CNOT10: variants seen among roughly 807,000 people sequenced by gnomAD.
CNOT10 encodes the protein CCR4-NOT transcription complex, subunit 10.
In CNOT10, 30 loss-of-function variants were observed where a neutral mutation model predicts 94.6. That is an observed-to-expected ratio of 0.32 (90% CI 0.24 to 0.43). CNOT10 has a LOEUF of 0.43. Ranked by LOEUF, CNOT10 falls within the 20% of genes least tolerant of loss-of-function variation. The probability of loss-of-function intolerance (pLI) is 1.00; values close to 1 mark genes in which losing one functional copy is unlikely to be tolerated. For missense variants in CNOT10, 759 were observed against 877.2 expected (o/e 0.87, Z 1.70); for synonymous variants, 289 against 301.6 (o/e 0.96, Z 0.43).
intron 13 of CNOT10, among the ~76,000 whole-genome samples, chr3:32,740,735 G>A (rs1032087798): frequency 1.1e-4 from 17 of 151,914 alleles, no homozygotes; most frequent in Non-Finnish European, 2.1e-4. Context: ...GGTGGCGGGC[G>A]CCTGTAGTCC....
At chr3:32,732,658 C>G (rs1699014024) in intron 10 of CNOT10, among the ~76,000 whole-genome samples, 2 of 151,796 alleles carry the variant, frequency 1.3e-5, no homozygotes, top group South Asian at 2.1e-4. Context: ...CCAGGCTGGT[C>G]TCACACTCCT....
At chr3:32,736,011 A>G (rs1699169969) in intron 12 of CNOT10, among the ~76,000 whole-genome samples, 1 of 152,130 alleles carries the variant, frequency 6.6e-6, no homozygotes, top group African/African-American at 2.4e-5. Flanking sequence ...AGGACAAAAC[A>G]CATACCATTA....
intron 13 of CNOT10, among the ~76,000 whole-genome samples, chr3:32,743,174 G>T (rs1297981335): frequency 6.6e-6 from 1 of 151,274 alleles, no homozygotes; most frequent in East Asian, 2.0e-4. Context: ...TTTAGTAGAG[G>T]TGGGGTTTCA....
chr3:32,752,583 G>A (rs73827044), intron 13 of CNOT10, among the ~76,000 whole-genome samples: 154 of 152,294 alleles, frequency 1.0e-3, no homozygotes, highest in African/African-American at 3.6e-3. Flanking sequence ...TTTGGACTAT[G>A]TTTGTCAATA....
Position 32,771,578 on chromosome 3 carries a change from C to T in CNOT10, c.2080+1616C>T, listed in dbSNP as rs546784555. On this transcript the variant is annotated intron_variant, in intron 18 of 18. Coordinates refer to ENST00000328834, the MANE Select transcript of CNOT10 (RefSeq NM_015442.3). ...ACACACCACTGCACTCCAATCTGGG[C>T]GACAGAGTGAAACCCTGTCTCAAAT... is the stretch of plus-strand genomic sequence containing the variant. Among the ~76,000 whole-genome samples the T allele has an allele frequency of 8.6e-5, 13 of 151,900 alleles. No homozygotes were observed. The South Asian group carries it at 1.9e-3, about 22-fold the overall frequency.
chr3:32,722,053 A>G (rs1282444271), intron 8 of CNOT10, among the ~76,000 whole-genome samples: 2 of 152,224 alleles, frequency 1.3e-5, no homozygotes, highest in African/African-American at 4.8e-5. Context: ...TTAGGTTTAT[A>G]TCATCAGTAT....
chr3:32,707,758 G>A (rs568430930), intron 3 of CNOT10, among the ~76,000 whole-genome samples: 11 of 151,892 alleles, frequency 7.2e-5, no homozygotes, highest in South Asian at 2.1e-4. Context: ...AGCTGAGTTC[G>A]TGCCACTGCA....
In CNOT10 at chr3:32,694,504, C is replaced by T. The variant is rs1288506968; in HGVS notation, c.22+9022C>T. 2.6e-5 allele frequency among the ~76,000 whole-genome samples: 4 copies of T among 152,274 alleles called. No homozygotes were observed. The East Asian group carries it at 7.7e-4, about 29-fold the overall frequency. ...AAACTCCTCCTCTTAGATGTGAAAA[C>T]AAAATACTCATCAGCAGTGGCAATA... is the stretch of plus-strand genomic sequence containing the variant. On this transcript the variant is annotated intron_variant, in intron 1 of 18. Coordinates refer to ENST00000328834, the MANE Select transcript of CNOT10 (RefSeq NM_015442.3).
At chr3:32,759,856 C>T (rs921142431) in intron 14 of CNOT10, among the ~76,000 whole-genome samples, 21 of 151,928 alleles carry the variant, frequency 1.4e-4, no homozygotes, top group African/African-American at 2.9e-4. Context: ...GAGAGAAGAC[C>T]TACAAAAAAA....
intron 8 of CNOT10, among the ~76,000 whole-genome samples, chr3:32,721,066 T>C (rs1177277806): frequency 7.2e-6 from 1 of 139,248 alleles, no homozygotes. Context: ...CTTTCTTTTT[T>C]TTTTTTTTTT....
intron 3 of CNOT10, among the ~76,000 whole-genome samples, chr3:32,706,970 T>G (rs918037857): frequency 2.0e-5 from 3 of 152,210 alleles, no homozygotes; most frequent in Non-Finnish European, 4.4e-5. Context: ...AGTTACAAAA[T>G]TTACAATTCA....
At chr3:32,685,817 C>G (rs899835637) in intron 1 of CNOT10, among the ~76,000 whole-genome samples, 3 of 152,184 alleles carry the variant, frequency 2.0e-5, no homozygotes, top group African/African-American at 7.2e-5. Context: ...GAGAAAGTCA[C>G]CCTGGAGCAC....
At chr3:32,770,836 C>T (rs1177935688) in intron 18 of CNOT10, among the ~76,000 whole-genome samples, 1 of 152,018 alleles carries the variant, frequency 6.6e-6, no homozygotes, top group Non-Finnish European at 1.5e-5. Flanking sequence ...GTCTCAGCCT[C>T]TCAAGTAGCT....
At chr3:32,757,992 A>T (rs1700290641) in intron 13 of CNOT10, among the ~76,000 whole-genome samples, 1 of 152,212 alleles carries the variant, frequency 6.6e-6, no homozygotes. Context: ...TAGAATACCT[A>T]TGTTGTGTAT....
chr3:32,694,157 TA>T (rs1314726688), intron 1 of CNOT10, among the ~76,000 whole-genome samples: 3 of 151,126 alleles, frequency 2.0e-5, no homozygotes, highest in African/African-American at 7.3e-5. Flanking sequence ...TTTTTTAATT[TA>T]AAAAAAGTGT....
chr3:32,750,196 T>C (rs1369404243), intron 13 of CNOT10, among the ~76,000 whole-genome samples: 1 of 151,902 alleles, frequency 6.6e-6, no homozygotes, highest in Non-Finnish European at 1.5e-5. Context: ...AGCTAGACAC[T>C]GTGTCAAAAA....
intron 1 of CNOT10, among the ~76,000 whole-genome samples, chr3:32,686,700 G>T (rs2125481873): frequency 6.6e-6 from 1 of 152,300 alleles, no homozygotes; most frequent in Admixed American, 6.5e-5. Context: ...CCTGTCCAAG[G>T]CTGGACCAGG....
At chr3:32,729,152 A>G (rs1057485912) in intron 10 of CNOT10, among the ~76,000 whole-genome samples, 1 of 152,198 alleles carries the variant, frequency 6.6e-6, no homozygotes, top group African/African-American at 2.4e-5. Context: ...ATTTCCATCA[A>G]TGCCTGAGGG....
intron 18 of CNOT10, 98 bp downstream of exon 18, chr3:32,770,060 C>A: frequency 1.1e-6 from 1 of 881,766 alleles, no homozygotes; most frequent in Non-Finnish European, 1.9e-6. Flanking sequence ...GGCTGGAGTG[C>A]AGTGGTACCA....
Sources: allele counts gnomAD v4.1 joint callset (sites outside exome capture counted in the v4.1 genomes callset), GRCh38; gene constraint gnomAD v4.1.1; transcripts MANE v1.5; gene names NCBI Gene and HGNC (gene_info 2026-07-23, HGNC 2026-07-21).